SND1: variants seen among roughly 807,000 people sequenced by gnomAD.
The protein encoded by SND1 is staphylococcal nuclease domain-containing protein 1.
In SND1, 38 loss-of-function variants were observed where a neutral mutation model predicts 121.7. The observed-to-expected ratio is 0.31, with a 90% CI of 0.24 to 0.41. SND1 has a LOEUF of 0.41. Among genes scored for constraint, SND1 ranks in the 10% least tolerant of loss-of-function variants. SND1 has a pLI of 1.00. For missense variants in SND1, 868 were observed against 1,184.6 expected (o/e 0.73, Z 3.92); for synonymous variants, 401 against 447.4 (o/e 0.90, Z 1.31).
chr7:127,780,840 C>T (rs191438329), intron 10 of SND1, among the ~76,000 whole-genome samples: 1 of 152,352 alleles, frequency 6.6e-6, no homozygotes, highest in African/African-American at 2.4e-5. Flanking sequence ...ATGAGTTTCA[C>T]AGTGCACTGG....
chr7:127,889,682 C>T (rs1461847968), intron 13 of SND1, among the ~76,000 whole-genome samples: 1 of 151,888 alleles, frequency 6.6e-6, no homozygotes, highest in Non-Finnish European at 1.5e-5. Flanking sequence ...TCTCACTACC[C>T]CTCCCAGCCT....
chr7:127,901,967 T>C (rs75078076), intron 13 of SND1, among the ~76,000 whole-genome samples: 1 of 152,236 alleles, frequency 6.6e-6, no homozygotes, highest in Non-Finnish European at 1.5e-5. Flanking sequence ...ATGTCATATG[T>C]ATACTATTAT....
At chr7:127,735,903 T>C (rs1796769062) in intron 10 of SND1, among the ~76,000 whole-genome samples, 1 of 152,212 alleles carries the variant, frequency 6.6e-6, no homozygotes, top group Non-Finnish European at 1.5e-5. Flanking sequence ...GTGCTGGGAT[T>C]ACAGGTGTGG....
chr7:127,908,357 T>TGTGTGTGTGC (rs1356003756), intron 14 of SND1, among the ~76,000 whole-genome samples: 2 of 142,266 alleles, frequency 1.4e-5, no homozygotes, highest in African/African-American at 2.7e-5. Flanking sequence ...TGTGTGTGTG[T>TGTGTGTGTGC]GTGCGTGCGT....
intron 11 of SND1, among the ~76,000 whole-genome samples, chr7:127,810,103 A>G (rs1041245206): frequency 6.6e-6 from 1 of 151,594 alleles, no homozygotes; most frequent in African/African-American, 2.4e-5. Context: ...TTTTTCAGTT[A>G]TGATATATTC....
At chr7:127,999,613 T>C (rs1474815656) in intron 16 of SND1, 1 of 152,148 alleles carries the variant, frequency 6.6e-6, no homozygotes, top group Non-Finnish European at 1.5e-5. Flanking sequence ...AGTACTTACT[T>C]TATGCCTCAT....
chr7:127,955,978 T>G (rs1266474318), intron 15 of SND1, among the ~76,000 whole-genome samples: 2 of 152,218 alleles, frequency 1.3e-5, no homozygotes, highest in Non-Finnish European at 2.9e-5. Flanking sequence ...AAACTAGTCT[T>G]ACTGGCCTCA....
intron 12 of SND1, among the ~76,000 whole-genome samples, chr7:127,882,481 A>C (rs1408575852): frequency 6.6e-6 from 1 of 151,400 alleles, no homozygotes; most frequent in African/African-American, 2.4e-5. Context: ...GAATTTAATT[A>C]TTTTGGAAAT....
intron 1 of SND1, among the ~76,000 whole-genome samples, chr7:127,671,276 A>C (rs1374392777): frequency 6.6e-6 from 1 of 152,214 alleles, no homozygotes; most frequent in African/African-American, 2.4e-5. Context: ...AGAATAATAG[A>C]GATAACTCCT....
intron 1 of SND1, among the ~76,000 whole-genome samples, chr7:127,656,437 C>G (rs1048896866): frequency 6.6e-6 from 1 of 151,710 alleles, no homozygotes; most frequent in Non-Finnish European, 1.5e-5. Flanking sequence ...ATTCTCCTGC[C>G]TCAGCCTCCC....
intron 15 of SND1, among the ~76,000 whole-genome samples, chr7:127,986,644 A>G (rs865890176): frequency 2.6e-5 from 4 of 152,228 alleles, no homozygotes; most frequent in Middle Eastern, 3.2e-3. Flanking sequence ...CCAACCATTC[A>G]TATCCCAGAA....
At chr7:127,925,332 T>C (rs1333113077) in intron 14 of SND1, among the ~76,000 whole-genome samples, 2 of 152,160 alleles carry the variant, frequency 1.3e-5, no homozygotes, top group African/African-American at 4.8e-5. Context: ...GGAATATTGG[T>C]GTAGATAACA....
intron 15 of SND1, among the ~76,000 whole-genome samples, chr7:127,956,832 C>T (rs954799765): frequency 6.6e-6 from 1 of 152,220 alleles, no homozygotes; most frequent in African/African-American, 2.4e-5. Flanking sequence ...TTAGATATTA[C>T]TTACCACCTT....
chr7:127,908,620 C>T (rs1055714061), intron 14 of SND1, among the ~76,000 whole-genome samples: 2 of 152,098 alleles, frequency 1.3e-5, no homozygotes, highest in Non-Finnish European at 2.9e-5. Flanking sequence ...CGACTTGGTA[C>T]TAGGTCTTAC....
intron 11 of SND1, among the ~76,000 whole-genome samples, chr7:127,833,415 C>T (rs1157628385): frequency 6.6e-6 from 1 of 151,958 alleles, no homozygotes; most frequent in Non-Finnish European, 1.5e-5. Context: ...AAGGCACATA[C>T]CACCATGCCT....
chr7:127,812,452 A>G (rs183266554), intron 11 of SND1, among the ~76,000 whole-genome samples: 1 of 152,310 alleles, frequency 6.6e-6, no homozygotes, highest in Non-Finnish European at 1.5e-5. Context: ...AAATATACAG[A>G]CAATGTGAAG....
chr7:128,028,353 T>G, intron 16 of SND1: 9 of 231,624 alleles, frequency 3.9e-5, no homozygotes, highest in Admixed American at 1.0e-4. Flanking sequence ...TCTTTAAGGA[T>G]GTTTGTTGTT....
At chr7:127,838,342 CAGA>C (rs1165941819) in intron 11 of SND1, among the ~76,000 whole-genome samples, 1 of 152,194 alleles carries the variant, frequency 6.6e-6, no homozygotes, top group Non-Finnish European at 1.5e-5. Flanking sequence ...GAGAGGATCT[CAGA>C]ACTCATCGTA....
rs901353311 is a variant in SND1 at position 128,085,234 on chromosome 7, C to G, written c.2234+387C>G. Among the ~76,000 whole-genome samples the G allele has an allele frequency of 6.6e-6, 1 of 152,186 alleles. No homozygotes were observed. Among genetic ancestry groups the G allele is most frequent in the Non-Finnish European group, 1.5e-5 (1 of 68,032 alleles). On this transcript the variant is annotated intron_variant, in intron 19 of 23. Transcript: ENST00000354725. The surrounding 1 kb of genome is among the most constrained non-coding windows in gnomAD (Gnocchi z 4.4). ...CCTAAACCAGCTGCCCGACCCTCTT[C>G]CCCGGCTGTCTAGGACATGAGCAGC... is the stretch of plus-strand genomic sequence containing the variant.
Sources: gnomAD v4.1 joint callset for allele counts (sites outside exome capture counted in the v4.1 genomes callset) on GRCh38, gnomAD v4.1.1 for gene constraint, Gnocchi (gnomAD v3.1) non-coding constraint, MANE v1.5 for transcripts, NCBI Gene and HGNC (gene_info 2026-07-23, HGNC 2026-07-21) for gene names.